The following CDC45 variants were observed in gnomAD, a reference collection of about 807,000 sequenced individuals.
CDC45 encodes the protein cell division control protein 45 homolog.
In CDC45, 54 loss-of-function variants were observed where a neutral mutation model predicts 77.8. The ratio of observed to expected loss-of-function variants is 0.69; its 90% CI spans 0.56 to 0.87. The LOEUF is 0.87. Among genes scored for constraint, CDC45 ranks in the 40% least tolerant of loss-of-function variants. The pLI, the probability that CDC45 is intolerant of heterozygous loss-of-function variation, is 0.00. For missense variants in CDC45, 649 were observed against 721.6 expected, an observed-to-expected ratio of 0.90 and a Z score of 1.15; for synonymous variants, 260 against 272.1, an observed-to-expected ratio of 0.96 and a Z score of 0.44.
chr22:19,484,650 C>A (rs13447208), intron 5 of CDC45, among the ~76,000 whole-genome samples: 2,074 of 152,280 alleles, frequency 0.014, 56 homozygotes, highest in African/African-American at 0.046. Context: ...CTAGAATTTG[C>A]CCCCGTAATG....
rs1400271853 is a variant in CDC45 at position 19,507,521 on chromosome 22, A to G, written c.956+4A>G. 6.2e-7 allele frequency: 1 copy of G among 1,613,882 alleles called. No individual in the cohort carries two copies. Among genetic ancestry groups the G allele is most frequent in the African/African-American group, 1.3e-5 (1 of 74,926 alleles). On this transcript the variant is annotated splice_donor_region_variant and intron_variant, in intron 11 of 18. Transcript: ENST00000263201. ...AGGAGTTCCTTGCAGACATGGGGTG[A>G]GTGACTGCCTGGGCCTCTGCAGTGC...
chr22:19,508,158 T>A (rs1933309721), intron 12 of CDC45, among the ~76,000 whole-genome samples: 1 of 152,184 alleles, frequency 6.6e-6, no homozygotes, highest in South Asian at 2.1e-4. Context: ...TCGACCCCAG[T>A]CTGTTTCACT....
At chr22:19,512,658 T>C (rs1933579968) in intron 13 of CDC45, among the ~76,000 whole-genome samples, 1 of 152,226 alleles carries the variant, frequency 6.6e-6, no homozygotes, top group Admixed American at 6.5e-5. Flanking sequence ...TTGTCCACCT[T>C]CCCTCCTGTT....
intron 12 of CDC45, 85 bp from the exon 13 acceptor site, chr22:19,508,445 G>A: frequency 7.0e-7 from 1 of 1,419,436 alleles, no homozygotes; most frequent in Admixed American, 1.7e-5. Context: ...GGCCTGTGAG[G>A]GACATTAGCA....
In CDC45 at chr22:19,516,562, G is replaced by A. The variant is rs368177257; in HGVS notation, c.1476G>A (p.Val492=). Residue 492 remains valine (V), a synonymous_variant, in exon 16 of 19, where the codon GTG becomes GTA. Coordinates refer to ENST00000263201, the MANE Select transcript of CDC45 (RefSeq NM_003504.5). The stretch of plus-strand genomic sequence containing the variant: ...GGCGCTGCAAACTGCTGCCCCTGGT[G>A]ATGGCTGCCCCCCTGAGCATGGAGC... ...KNRRCKLLPL[V]MAAPLSMEHG... is the part of the protein sequence containing the mutation. 1 of 1,614,092 alleles carries A rather than the reference G, an allele frequency of 6.2e-7. No homozygotes were observed.
At chr22:19,485,193 A>C (rs2090047189) in intron 5 of CDC45, among the ~76,000 whole-genome samples, 1 of 152,190 alleles carries the variant, frequency 6.6e-6, no homozygotes, top group Non-Finnish European at 1.5e-5. Flanking sequence ...GTCAGTATCC[A>C]ATGGGATTTC....
chr22:19,507,558 AC>A (rs752101496), intron 11 of CDC45, 41 bp downstream of exon 11: 135 of 1,610,720 alleles, frequency 8.4e-5, no homozygotes, highest in Non-Finnish European at 1.0e-4. Flanking sequence ...AGCCCTGGCC[AC>A]CCCCAAGGGA....
At chr22:19,484,154 T>C in intron 5 of CDC45, 149 bp downstream of exon 5, 2 of 699,634 alleles carry the variant, frequency 2.9e-6, no homozygotes, top group Non-Finnish European at 4.6e-6. Context: ...GGCTCTGCTG[T>C]CCCCTGGTTA....
At chr22:19,494,774 CG>C (rs921968379) in intron 6 of CDC45, among the ~76,000 whole-genome samples, 3 of 152,164 alleles carry the variant, frequency 2.0e-5, no homozygotes, top group Non-Finnish European at 4.4e-5. Flanking sequence ...AGGTGGGTCC[CG>C]GGGGAAGCCC....
At chr22:19,491,487 T>G (rs1200673817) in intron 5 of CDC45, among the ~76,000 whole-genome samples, 1 of 152,178 alleles carries the variant, frequency 6.6e-6, no homozygotes, top group Non-Finnish European at 1.5e-5. Flanking sequence ...AATTCTGGGT[T>G]AATACTTATT....
Position 19,488,507 on chromosome 22 carries a change from C to T in CDC45, c.486+4502C>T, listed in dbSNP as rs542459161. Among the ~76,000 whole-genome samples the T allele has an allele frequency of 6.6e-5, 10 of 152,310 alleles. No homozygotes were observed. In the East Asian group the frequency reaches 1.7e-3, roughly 27 times the overall value. The stretch of plus-strand genomic sequence containing the variant: ...GCTCAGGCTTCCAGCATGAATATTC[C>T]AGTCACCCGGGCAGCCACTGCATGG... On this transcript the variant is annotated intron_variant, in intron 5 of 18. Coordinates refer to ENST00000263201, the MANE Select transcript of CDC45 (RefSeq NM_003504.5).
intron 13 of CDC45, among the ~76,000 whole-genome samples, chr22:19,513,363 A>T (rs1424212487): frequency 6.6e-6 from 1 of 152,246 alleles, no homozygotes; most frequent in Non-Finnish European, 1.5e-5. Context: ...GTTTTACTTT[A>T]TTGTGCTAAT....
intron 10 of CDC45, 73 bp from the exon 11 acceptor site, chr22:19,507,313 C>A: frequency 6.4e-7 from 1 of 1,566,410 alleles, no homozygotes; most frequent in Non-Finnish European, 8.7e-7. Context: ...ATCAGAGTGG[C>A]CCACCTGCTG....
intron 3 of CDC45, among the ~76,000 whole-genome samples, chr22:19,481,654 T>C (rs956102267): frequency 3.3e-5 from 5 of 152,132 alleles, no homozygotes; most frequent in African/African-American, 1.2e-4. Flanking sequence ...ATTACAGGTA[T>C]GAGCCACCAC....
intron 15 of CDC45, 152 bp downstream of exon 15, chr22:19,515,200 T>A: frequency 1.5e-6 from 1 of 668,914 alleles, no homozygotes; most frequent in Non-Finnish European, 2.5e-6. Flanking sequence ...GCTGTCTTTT[T>A]CTCAGCTGAC....
intron 16 of CDC45, 70 bp from the exon 17 acceptor site, chr22:19,516,747 T>C: frequency 1.2e-6 from 1 of 855,102 alleles, no homozygotes; most frequent in Non-Finnish European, 1.7e-6. Flanking sequence ...CTAGTGTCTG[T>C]CCTGGGGCGG....
intron 3 of CDC45, among the ~76,000 whole-genome samples, chr22:19,481,536 A>C (rs1186600793): frequency 6.7e-6 from 1 of 149,892 alleles, no homozygotes; most frequent in Non-Finnish European, 1.5e-5. Context: ...CCGCCACCAC[A>C]CCTGGCTAAT....
At chr22:19,484,103 G>T in intron 5 of CDC45, 98 bp downstream of exon 5, 1 of 1,189,300 alleles carries the variant, frequency 8.4e-7, no homozygotes, top group Non-Finnish European at 1.2e-6. Flanking sequence ...ACTGAGGGCA[G>T]TGGGAAGTGG....
At chr22:19,508,261 C>A (rs13447262) in intron 12 of CDC45, among the ~76,000 whole-genome samples, 1 of 152,188 alleles carries the variant, frequency 6.6e-6, no homozygotes, top group South Asian at 2.1e-4. Context: ...TTCTCCCACC[C>A]CAGCCAGCTG....
Sources: gnomAD v4.1 joint callset for allele counts (sites outside exome capture counted in the v4.1 genomes callset) on GRCh38, gnomAD v4.1.1 for gene constraint, MANE v1.5 for transcripts, NCBI Gene and HGNC (gene_info 2026-07-23, HGNC 2026-07-21) for gene names.